The following ADAMTS18 variants were observed in gnomAD, a reference collection of about 807,000 sequenced individuals.
ADAMTS18 encodes ADAM metallopeptidase with thrombospondin type 1 motif 18.
ADAMTS18 carries 157 observed loss-of-function variants against 165.9 expected under a neutral mutation model. That is an observed-to-expected ratio of 0.95 (90% confidence interval 0.83 to 1.08). The LOEUF is 1.08. ADAMTS18 is among the 50% of genes least tolerant of loss of function. The probability of loss-of-function intolerance (pLI) is 0.00; values close to 1 mark genes in which losing one functional copy is unlikely to be tolerated. For missense variants in ADAMTS18, 2,040 were observed against 1,534.0 expected, an observed-to-expected ratio of 1.33 and a Z score of -5.51; for synonymous variants, 782 against 578.2, an observed-to-expected ratio of 1.35 and a Z score of -5.06.
At position 77,434,532 on chromosome 16, in the gene ADAMTS18, G is replaced by A. The variant is rs373287979; in HGVS notation, c.91-27C>T. The stretch of plus-strand genomic sequence containing the variant: ...TGCAAGAGAAAAGGTGACATCGCGC[G>A]TGAGGGGCGCGGCGGGGCTGGCGTC... On this transcript the variant is annotated intron_variant, in intron 1 of 22. Coordinates refer to ENST00000282849, the MANE Select transcript of ADAMTS18 (RefSeq NM_199355.4). The A allele has an allele frequency of 1.2e-3, 1,856 of 1,541,070 alleles. 6 individuals carry two copies. Among genetic ancestry groups the A allele is most frequent in the Non-Finnish European group, 1.5e-3 (1,708 of 1,147,148 alleles).
At chr16:77,350,373 A>G (rs1293089331) in intron 10 of ADAMTS18, among the ~76,000 whole-genome samples, 2 of 152,136 alleles carry the variant, frequency 1.3e-5, no homozygotes, top group African/African-American at 4.8e-5. Context: ...GGGGAAGAAG[A>G]GTCAAATGTG....
chr16:77,350,414 A>G (rs1291535046), intron 10 of ADAMTS18, among the ~76,000 whole-genome samples: 1 of 152,116 alleles, frequency 6.6e-6, no homozygotes, highest in Non-Finnish European at 1.5e-5. Flanking sequence ...GACATAAGGA[A>G]GAGAGTTAGA....
intron 19 of ADAMTS18, among the ~76,000 whole-genome samples, chr16:77,293,815 A>T (rs924033981): frequency 8.0e-5 from 12 of 149,902 alleles, no homozygotes; most frequent in African/African-American, 3.0e-4. Flanking sequence ...TCCTCTGAGA[A>T]CCTAACGCTG....
Position 77,289,307 on chromosome 16 carries a change from T to C in ADAMTS18, c.3507A>G (p.Leu1169=). ...SCLLHQKPPV[L]RACNTNFCPA... ...GACAGAAGTTTGTATTACAGGCTCG[T>C]AGCACCGGAGGTTTCTGATGGAGCA... Residue 1169 remains leucine, a synonymous_variant, in exon 22 of 23, where the codon CTA becomes CTG. Transcript: ENST00000282849. 1 of 1,614,154 alleles carries C rather than the reference T, an allele frequency of 6.2e-7. No individual in the cohort carries two copies. Among genetic ancestry groups the C allele is most frequent in the Non-Finnish European group, 8.5e-7 (1 of 1,180,002 alleles).
chr16:77,374,096 G>C (rs2056915951), intron 3 of ADAMTS18, among the ~76,000 whole-genome samples: 1 of 151,632 alleles, frequency 6.6e-6, no homozygotes, highest in Admixed American at 6.6e-5. Flanking sequence ...GCAGGCACCT[G>C]TAATCCCAGC....
intron 11 of ADAMTS18, among the ~76,000 whole-genome samples, chr16:77,338,815 G>C (rs926873957): frequency 6.6e-6 from 1 of 151,786 alleles, no homozygotes; most frequent in Admixed American, 6.6e-5. Flanking sequence ...TTAGCCGGGC[G>C]TGGTGGCGGG....
At chr16:77,370,790 G>GATATAT (rs148727471) in intron 3 of ADAMTS18, among the ~76,000 whole-genome samples, 5,686 of 146,976 alleles carry the variant, frequency 0.039, 377 homozygotes, top group African/African-American at 0.13. Context: ...TAATAGCTAC[G>GATATAT]ATATATATAT....
chr16:77,294,999 A>G lies in ADAMTS18; in HGVS notation c.2930T>C (p.Val977Ala), dbSNP rs1457990446. Residue 977 changes from valine to alanine, a missense_variant, in exon 19 of 23, where the codon GTG (valine) becomes GCG (alanine). Coordinates refer to ENST00000282849, the MANE Select transcript of ADAMTS18 (RefSeq NM_199355.4). ...EEAVLHSLCPVSTPTQVQACN... is the reference protein window; with the variant it reads ...EEAVLHSLCPASTPTQVQACN... The stretch of plus-strand genomic sequence containing the variant: ...GGCTTGGACCTGAGTGGGTGTGCTC[A>G]CTGGACAGAGAGAATGCAACACTGC... The G allele has an allele frequency of 6.2e-7, 1 of 1,614,160 alleles. No individual in the cohort carries two copies.
intron 12 of ADAMTS18, among the ~76,000 whole-genome samples, chr16:77,334,724 AC>A (rs2056266760): frequency 1.9e-5 from 2 of 103,298 alleles, no homozygotes; most frequent in Non-Finnish European, 3.9e-5. Flanking sequence ...ATAGTATACT[AC>A]TATATACTAT....
chr16:77,369,606 AG>A (rs2056847951), intron 3 of ADAMTS18, among the ~76,000 whole-genome samples: 1 of 152,258 alleles, frequency 6.6e-6, no homozygotes. Flanking sequence ...TGTAATAAAA[AG>A]TCTCCCATCA....
At chr16:77,371,069 G>T (rs1056397262) in intron 3 of ADAMTS18, among the ~76,000 whole-genome samples, 1 of 152,054 alleles carries the variant, frequency 6.6e-6, no homozygotes, top group African/African-American at 2.4e-5. Context: ...ACAAATATTA[G>T]CCAGGTGTGG....
chr16:77,293,394 C>G (rs2055406185), intron 19 of ADAMTS18, 136 bp from the exon 20 acceptor site: 3 of 745,114 alleles, frequency 4.0e-6, no homozygotes, highest in Non-Finnish European at 6.8e-6. Context: ...TTTACGAGAT[C>G]TACTTAACCA....
chr16:77,293,136 A>C lies in ADAMTS18; in HGVS notation c.3129T>G (p.Cys1043Trp). The change falls in exon 20 of 23, where the codon TGT becomes TGG. Residue 1043 changes from cysteine to tryptophan, a missense_variant. Physicochemically the swap from Cys to Trp is radical, Grantham distance 215. Transcript: ENST00000282849. ...TGTTCTTGGGGCATCGTCCAAGCAC[A>C]CAGCCCTCCTGCAGCTCAGGTCTGG... ...SLPRPELQEG[C>W]VLGRCPKNSR... 6.2e-7 allele frequency: 1 copy of C among 1,614,024 alleles called. No homozygotes were observed. The highest frequency in any genetic ancestry group is 1.1e-5 in the South Asian group (1 of 91,066).
intron 3 of ADAMTS18, among the ~76,000 whole-genome samples, chr16:77,396,985 T>C (rs748068680): frequency 6.6e-6 from 1 of 151,950 alleles, no homozygotes; most frequent in South Asian, 2.1e-4. Context: ...TTTTTTGTAT[T>C]TTTAGTAGAG....
chr16:77,362,828 G>A (rs1328123968), intron 6 of ADAMTS18, among the ~76,000 whole-genome samples: 4 of 152,128 alleles, frequency 2.6e-5, no homozygotes, highest in African/African-American at 7.2e-5. Flanking sequence ...CAAGTTGAAG[G>A]TTTTTAGACA....
At chr16:77,404,886 G>A (rs2057374617) in intron 3 of ADAMTS18, among the ~76,000 whole-genome samples, 1 of 152,180 alleles carries the variant, frequency 6.6e-6, no homozygotes, top group Non-Finnish European at 1.5e-5. Flanking sequence ...AGCCCCAAGA[G>A]CTCAAAGCAT....
At chr16:77,294,823 G>T in intron 19 of ADAMTS18, 100 bp downstream of exon 19, 2 of 1,140,808 alleles carry the variant, frequency 1.8e-6, no homozygotes, top group Non-Finnish European at 2.6e-6. Flanking sequence ...TGATTTCCAT[G>T]AACATGTAAA....
intron 11 of ADAMTS18, among the ~76,000 whole-genome samples, chr16:77,337,200 G>C (rs2056323689): frequency 6.6e-6 from 1 of 152,146 alleles, no homozygotes. Flanking sequence ...AGAAGTTTTT[G>C]GGGAAGGCTA....
At chr16:77,299,293 T>C (rs2055535351) in intron 17 of ADAMTS18, among the ~76,000 whole-genome samples, 1 of 152,254 alleles carries the variant, frequency 6.6e-6, no homozygotes, top group African/African-American at 2.4e-5. Context: ...TTACAAATTA[T>C]GGGGATTACC....
Sources: gnomAD v4.1 joint callset for allele counts (sites outside exome capture counted in the v4.1 genomes callset) on GRCh38, gnomAD v4.1.1 for gene constraint, MANE v1.5 for transcripts, NCBI Gene and HGNC (gene_info 2026-07-23, HGNC 2026-07-21) for gene names.